The following PLEKHA8 variants were observed in gnomAD, a reference collection of about 807,000 sequenced individuals.
PLEKHA8 encodes pleckstrin homology domain-containing family A member 8.
PLEKHA8 carries 36 observed loss-of-function variants against 68.2 expected under a neutral mutation model. The observed-to-expected ratio is 0.53, with a 90% CI of 0.40 to 0.70. The LOEUF is 0.70. Among genes scored for constraint, PLEKHA8 ranks in the 30% least tolerant of loss-of-function variants. The pLI, the probability that PLEKHA8 is intolerant of heterozygous loss-of-function variation, is 0.00. For missense variants in PLEKHA8, 505 were observed against 615.4 expected (o/e 0.82, Z 1.90); for synonymous variants, 211 against 216.1 (o/e 0.98, Z 0.20).
chr7:30,041,401 T>G (rs575560358), intron 1 of PLEKHA8, among the ~76,000 whole-genome samples: 1 of 150,430 alleles, frequency 6.6e-6, no homozygotes, highest in South Asian at 2.1e-4. Flanking sequence ...TCAGTTGCTA[T>G]TATAATTTAC....
At chr7:30,116,072 A>C (rs545592479) in intron 13 of PLEKHA8, 1 of 146,240 alleles carries the variant, frequency 6.8e-6, no homozygotes, top group Non-Finnish European at 1.5e-5. Context: ...ATACGTATAC[A>C]TGTATACATA....
At chr7:30,040,243 C>T (rs1021201338) in intron 1 of PLEKHA8, among the ~76,000 whole-genome samples, 2 of 152,184 alleles carry the variant, frequency 1.3e-5, no homozygotes, top group African/African-American at 4.8e-5. Flanking sequence ...GTCTTACCTT[C>T]AGGAATGATG....
intron 13 of PLEKHA8, among the ~76,000 whole-genome samples, chr7:30,097,940 T>TC (rs1459278145): frequency 6.6e-6 from 1 of 152,202 alleles, no homozygotes; most frequent in Non-Finnish European, 1.5e-5. Flanking sequence ...CTCTGTTTTT[T>TC]CCCCATCTTT....
intron 13 of PLEKHA8, among the ~76,000 whole-genome samples, chr7:30,075,796 GAA>G (rs1363372380): frequency 1.3e-5 from 2 of 152,150 alleles, no homozygotes; most frequent in Non-Finnish European, 2.9e-5. Flanking sequence ...TTGTCAATAA[GAA>G]TGCAGCTATA....
chr7:30,052,593 T>C, intron 6 of PLEKHA8, 116 bp from the exon 7 acceptor site: 1 of 822,930 alleles, frequency 1.2e-6, no homozygotes, highest in Non-Finnish European at 1.8e-6. Flanking sequence ...TGAGCTGTGA[T>C]TGTGCCACTG....
intron 13 of PLEKHA8, among the ~76,000 whole-genome samples, chr7:30,077,281 C>T (rs1386430927): frequency 6.6e-6 from 1 of 151,874 alleles, no homozygotes; most frequent in African/African-American, 2.4e-5. Context: ...CATGATGTGC[C>T]CTTTTGGTCT....
At position 30,070,608 on chromosome 7, in the gene PLEKHA8, G is replaced by A. The variant is rs189017995; in HGVS notation, c.1301-3463G>A. Among the ~76,000 whole-genome samples, 273 of 150,726 alleles carry A rather than the reference G, an allele frequency of 1.8e-3. 1 individual carries two copies. The highest frequency in any genetic ancestry group is 6.0e-3 in the African/African-American group (247 of 40,978). ...GCCCTGGCTGCTGGACTGCAGTGGC[G>A]TGATCTCGGCTCACTGCAACCTCTG... is the stretch of plus-strand genomic sequence containing the variant. On this transcript the variant is annotated intron_variant, in intron 12 of 13. Coordinates refer to ENST00000449726, the MANE Select transcript of PLEKHA8 (RefSeq NM_001197026.2).
At chr7:30,065,923 G>A (rs1358505037) in intron 12 of PLEKHA8, among the ~76,000 whole-genome samples, 2 of 151,558 alleles carry the variant, frequency 1.3e-5, no homozygotes, top group East Asian at 1.9e-4. Context: ...CAGACTATCC[G>A]GTTCCACCCC....
At chr7:30,094,432 G>A (rs185188141), downstream of PLEKHA8, among the ~76,000 whole-genome samples, 3 of 151,638 alleles carry the variant, frequency 2.0e-5, no homozygotes, top group South Asian at 2.1e-4. Flanking sequence ...CTGCCACCAC[G>A]CCCAGCTAAT....
chr7:30,028,988 C>G (rs986894658), intron 1 of PLEKHA8, among the ~76,000 whole-genome samples, 186 bp downstream of exon 1: 2 of 152,210 alleles, frequency 1.3e-5, no homozygotes, highest in African/African-American at 2.4e-5. Context: ...CGACACGGCC[C>G]TCTCTTGGGG....
chr7:30,111,384 TAAG>T (rs1161085112), intron 13 of PLEKHA8, among the ~76,000 whole-genome samples: 1 of 152,208 alleles, frequency 6.6e-6, no homozygotes, highest in Non-Finnish European at 1.5e-5. Context: ...AGTTTTGAAA[TAAG>T]AAAATGTAAT....
intron 13 of PLEKHA8, among the ~76,000 whole-genome samples, chr7:30,116,812 C>G (rs1262154549): frequency 3.3e-5 from 5 of 152,156 alleles, no homozygotes; most frequent in African/African-American, 1.2e-4. Context: ...GAAGTCGTTC[C>G]CCAACACAGT....
intron 13 of PLEKHA8, among the ~76,000 whole-genome samples, chr7:30,100,260 A>G (rs985399074): frequency 1.3e-5 from 2 of 152,152 alleles, no homozygotes; most frequent in Admixed American, 6.6e-5. Context: ...ATTTAAATAT[A>G]TCTTTTGGGA....
rs1202674561 is a variant in PLEKHA8 at position 30,052,756 on chromosome 7, T to C, written c.686T>C (p.Ile229Thr). 6.4e-7 allele frequency: 1 copy of C among 1,561,114 alleles called. No homozygotes were observed. The highest frequency in any genetic ancestry group is 8.6e-7 in the Non-Finnish European group (1 of 1,163,020). ...TCENGSLNME[I>T]NGEEEILMKN... ...GAAAATGGATCTTTAAATATGGAAA[T>C]AAATGGTGAGGAAGAAATCCTAATG... Residue 229 changes from isoleucine (I) to threonine (T), a missense_variant, in exon 7 of 14, where the codon ATA becomes ACA. Physicochemically the swap from Ile to Thr is moderately conservative, Grantham distance 89. Transcript: ENST00000449726.
At chr7:30,084,941 T>C (rs1245257247), downstream of PLEKHA8, among the ~76,000 whole-genome samples, 1 of 145,558 alleles carries the variant, frequency 6.9e-6, no homozygotes, top group Non-Finnish European at 1.5e-5. Context: ...TCTTTTTCTT[T>C]TTCTTTTCTT....
At chr7:30,093,573 C>T (rs1795496913), downstream of PLEKHA8, among the ~76,000 whole-genome samples, 6 of 152,248 alleles carry the variant, frequency 3.9e-5, 1 homozygote, top group South Asian at 1.2e-3. Context: ...TGTTAGTTAA[C>T]ATCTCTGGAT....
Position 30,082,160 on chromosome 7 carries a change from A to T in PLEKHA8, c.*3373A>T. ...GGATGTATAAGTAGTGGCTTGAGGC[A>T]CCTTCTTATCATTTTTTGCATGTTA... On this transcript the variant is annotated 3_prime_UTR_variant, in exon 14 of 14. Transcript: ENST00000449726. 1 of 985,254 alleles carries T rather than the reference A, an allele frequency of 1.0e-6. No individual in the cohort carries two copies. The highest frequency in any genetic ancestry group is 4.7e-5 in the South Asian group (1 of 21,290). 61.0% of individuals were successfully genotyped at this position (985,254 alleles called of 1,614,324 possible).
At position 30,081,338 on chromosome 7, in the gene PLEKHA8, A is replaced by G; in HGVS notation, c.*2551A>G. 1 of 984,386 alleles carries G rather than the reference A, an allele frequency of 1.0e-6. No homozygotes were observed. The highest frequency in any genetic ancestry group is 1.2e-6 in the Non-Finnish European group (1 of 828,976). 61.0% of individuals were successfully genotyped at this position (984,386 alleles called of 1,614,324 possible). A position where few individuals can be genotyped will look rare whatever the true frequency, so the allele number is the denominator to read the frequency against. Reference sequence around the variant, plus strand: ...GTTTAAGATGTGTAAAAGTTTGCTTAAGGAACTGAGGATCCTTAAATAAAA... The same window carrying G: ...GTTTAAGATGTGTAAAAGTTTGCTTGAGGAACTGAGGATCCTTAAATAAAA... On this transcript the variant is annotated 3_prime_UTR_variant, in exon 14 of 14. Transcript: ENST00000449726.
At chr7:30,094,632 G>A (rs1795536250), downstream of PLEKHA8, among the ~76,000 whole-genome samples, 1 of 151,328 alleles carries the variant, frequency 6.6e-6, no homozygotes, top group Admixed American at 6.6e-5. Flanking sequence ...TTAGCATTAG[G>A]TCATTTAGCA....
Sources: allele counts gnomAD v4.1 joint callset (sites outside exome capture counted in the v4.1 genomes callset), GRCh38; gene constraint gnomAD v4.1.1; transcripts MANE v1.5; gene names NCBI Gene and HGNC (gene_info 2026-07-23, HGNC 2026-07-21).